Variants in NWD1 observed in about 807,000 individuals in gnomAD.
NWD1 encodes the protein NACHT domain- and WD repeat-containing protein 1.
Under a neutral mutation model 135.1 loss-of-function variants are expected in NWD1, and 129 were observed. The observed-to-expected ratio is 0.96, with a 90% CI of 0.83 to 1.11. The LOEUF (loss-of-function observed/expected upper bound fraction) is 1.11. Among genes scored for constraint, NWD1 ranks in the 50% least tolerant of loss-of-function variants. NWD1 has a pLI of 0.00. For synonymous variants in NWD1, 773 were observed against 786.0 expected, an observed-to-expected ratio of 0.98 and a Z score of 0.28; for missense variants, 1,740 against 1,851.3, an observed-to-expected ratio of 0.94 and a Z score of 1.10.
chr19:16,809,445 C>G (rs572883827), intron 18 of NWD1, among the ~76,000 whole-genome samples: 6 of 152,054 alleles, frequency 3.9e-5, no homozygotes, highest in South Asian at 4.2e-4. Context: ...AGAACAAAAT[C>G]TCAACATTAT....
intron 10 of NWD1, among the ~76,000 whole-genome samples, chr19:16,765,854 T>C (rs1969202240): frequency 6.6e-6 from 1 of 151,676 alleles, no homozygotes; most frequent in African/African-American, 2.4e-5. Context: ...CTGTCTCTAC[T>C]AAAAATACAA....
chr19:16,811,783 C>T (rs1463719100), intron 18 of NWD1, among the ~76,000 whole-genome samples: 1 of 152,098 alleles, frequency 6.6e-6, no homozygotes, highest in African/African-American at 2.4e-5. Context: ...CTGTGGGGCG[C>T]TTCAAAGCCT....
chr19:16,790,550 G>T (rs1426318148), intron 13 of NWD1, among the ~76,000 whole-genome samples: 1 of 151,424 alleles, frequency 6.6e-6, no homozygotes, highest in Non-Finnish European at 1.5e-5. Context: ...GTTGATAGTT[G>T]CAGCAAACCA....
At chr19:16,781,133 A>G (rs1482281156) in intron 12 of NWD1, among the ~76,000 whole-genome samples, 1 of 152,186 alleles carries the variant, frequency 6.6e-6, no homozygotes, top group Non-Finnish European at 1.5e-5. Context: ...TCAATTGTTG[A>G]GTGCCTGCTG....
chr19:16,759,548 C>A (rs943242172), intron 7 of NWD1, 120 bp downstream of exon 7: 9 of 713,026 alleles, frequency 1.3e-5, no homozygotes, highest in Non-Finnish European at 1.9e-5. Context: ...GGAATCAAGT[C>A]CAGTTAGAAC....
In NWD1 at chr19:16,794,507, T is replaced by C. The variant is rs1970354766; in HGVS notation, c.3258T>C (p.Ala1086=). 4.3e-6 allele frequency: 7 copies of C among 1,612,132 alleles called. No homozygotes were observed. Among genetic ancestry groups the C allele is most frequent in the Non-Finnish European group, 5.9e-6 (7 of 1,178,992 alleles). Residue 1086 remains alanine (A), a synonymous_variant, in exon 15 of 19, where the codon GCT becomes GCC. Transcript: ENST00000524140. The part of the protein sequence containing the change: ...GDRLLEKLPD[A]VRFLVVSEDE... ...GATTGCTGGAGAAGCTTCCAGATGC[T>C]GTGAGGTTCCTGGTGGTCTCTGAAG...
chr19:16,737,817 T>C lies in NWD1; in HGVS notation c.198+1067T>C, dbSNP rs200259485. Among the ~76,000 whole-genome samples, 146 of 151,586 alleles carry C rather than the reference T, an allele frequency of 9.6e-4. 1 individual carries two copies. In the East Asian group the frequency reaches 0.024, roughly 25 times the overall value. ...TGAAGTCCCATATCTACTAAAAAATTAGCTGGGCATGGTGGCACGTGCCTG... is the reference window on the plus strand; with the variant it reads ...TGAAGTCCCATATCTACTAAAAAATCAGCTGGGCATGGTGGCACGTGCCTG... On this transcript the variant is annotated intron_variant, in intron 4 of 18. Transcript: ENST00000524140.
Position 16,759,242 on chromosome 19 carries a change from C to G in NWD1, c.1787C>G (p.Ala596Gly), listed in dbSNP as rs201427361. The change falls in exon 7 of 19, where the codon GCG becomes GGG. Residue 596 changes from alanine to glycine, a missense_variant. Transcript: ENST00000524140. The stretch of plus-strand genomic sequence containing the variant: ...CCCTTCAGACACGGTCTCTCGGAGG[C>G]GGAGCTGAAGGATGTTTTGTCCCTG... ...IVSSRHGLSEAELKDVLSLDD... is the reference protein window; with the variant it reads ...IVSSRHGLSEGELKDVLSLDD... 3.5e-5 allele frequency: 56 copies of G among 1,613,776 alleles called. No individual in the cohort carries two copies. The highest frequency in any genetic ancestry group is 4.3e-5 in the Non-Finnish European group (51 of 1,179,830).
In NWD1 at chr19:16,791,502, G is replaced by A. The variant is rs371809468; in HGVS notation, c.3093G>A (p.Thr1031=). 6.7e-5 allele frequency: 108 copies of A among 1,613,998 alleles called. No homozygotes were observed. The highest frequency in any genetic ancestry group is 7.5e-5 in the Non-Finnish European group (89 of 1,180,028). Residue 1031 remains threonine, a synonymous_variant, in exon 14 of 19, where the codon ACG becomes ACA. Coordinates refer to ENST00000524140, the MANE Select transcript of NWD1 (RefSeq NM_001007525.5). ...TGGTCAGTCTGTGGAGCTCAGCTACGGGAAAACTTCAGGGGAAGCAACATA... is the reference window on the plus strand; with the variant it reads ...TGGTCAGTCTGTGGAGCTCAGCTACAGGAAAACTTCAGGGGAAGCAACATA... ...DGVVSLWSSA[T]GKLQGKQHMS...
At chr19:16,758,091 G>A (rs1288272238) in intron 6 of NWD1, among the ~76,000 whole-genome samples, 1 of 151,886 alleles carries the variant, frequency 6.6e-6, no homozygotes, top group Non-Finnish European at 1.5e-5. Context: ...ACAGTGTTGG[G>A]TATGACATTA....
intron 11 of NWD1, 29 bp from the exon 12 acceptor site, chr19:16,779,314 T>A: frequency 6.2e-7 from 1 of 1,613,194 alleles, no homozygotes; most frequent in South Asian, 1.1e-5. Flanking sequence ...GGAACTGAGA[T>A]CATTGCTGTT....
At chr19:16,814,184 A>G (rs1056855688) in intron 18 of NWD1, among the ~76,000 whole-genome samples, 2 of 152,084 alleles carry the variant, frequency 1.3e-5, no homozygotes, top group African/African-American at 4.8e-5. Context: ...CATTTTTTGT[A>G]TACTGGGTAC....
chr19:16,813,469 G>GTTTTTGT (rs1037063202), intron 18 of NWD1, among the ~76,000 whole-genome samples: 18 of 151,988 alleles, frequency 1.2e-4, no homozygotes, highest in Non-Finnish European at 1.8e-4. Context: ...GAAGCAGCCT[G>GTTTTTGT]TTTTTGTTTT....
At position 16,807,779 on chromosome 19, in the gene NWD1, C is replaced by G; in HGVS notation, c.3930C>G (p.Cys1310Trp). Residue 1310 changes from cysteine to tryptophan, a missense_variant, in exon 18 of 19, where the codon TGC becomes TGG. Coordinates refer to ENST00000524140, the MANE Select transcript of NWD1 (RefSeq NM_001007525.5). Reference protein sequence around the residue: ...KAINCMSLSKCEDRLAIAYDN... With the variant: ...KAINCMSLSKWEDRLAIAYDN... ...TCAACTGCATGTCCCTGAGCAAGTG[C>G]GAGGACCGCCTGGCCATCGCCTATG... 6.2e-7 allele frequency: 1 copy of G among 1,613,708 alleles called. No individual in the cohort carries two copies.
At chr19:16,787,900 T>TC (rs1282381137) in intron 12 of NWD1, among the ~76,000 whole-genome samples, 11 of 81,708 alleles carry the variant, frequency 1.3e-4, no homozygotes, top group South Asian at 9.3e-4. Context: ...ATAATAATAA[T>TC]AATAATCATC....
chr19:16,780,016 A>T (rs1969799982), intron 12 of NWD1, among the ~76,000 whole-genome samples: 1 of 152,054 alleles, frequency 6.6e-6, no homozygotes, highest in South Asian at 2.1e-4. Context: ...GGGCTTGCTC[A>T]TGTATCTGCA....
At chr19:16,773,090 A>G in intron 10 of NWD1, 36 bp from the exon 11 acceptor site, 4 of 1,593,624 alleles carry the variant, frequency 2.5e-6, no homozygotes, top group Non-Finnish European at 3.4e-6. Flanking sequence ...GAGGGGGCTC[A>G]ATCCAGGCAA....
At chr19:16,728,864 A>G (rs1421150299) in intron 2 of NWD1, among the ~76,000 whole-genome samples, 2 of 150,936 alleles carry the variant, frequency 1.3e-5, no homozygotes, top group Non-Finnish European at 2.9e-5. Flanking sequence ...GAATGGCGTG[A>G]ACCCAGGAGG....
chr19:16,742,731 C>G (rs151289059), intron 4 of NWD1, among the ~76,000 whole-genome samples: 2 of 148,232 alleles, frequency 1.3e-5, no homozygotes, highest in Non-Finnish European at 3.0e-5. Context: ...AGTGCAATGG[C>G]GCAATCTCGG....
Sources: gnomAD v4.1 joint callset for allele counts (sites outside exome capture counted in the v4.1 genomes callset) on GRCh38, gnomAD v4.1.1 for gene constraint, MANE v1.5 for transcripts, NCBI Gene and HGNC (gene_info 2026-07-23, HGNC 2026-07-21) for gene names.